Variants in POLE2 observed in about 807,000 individuals in gnomAD.
The protein encoded by POLE2 is DNA polymerase epsilon subunit 2.
In POLE2, 56 loss-of-function variants were observed where a neutral mutation model predicts 79.4. That is an observed-to-expected ratio of 0.71 (90% CI 0.57 to 0.88). The LOEUF is 0.88. Among genes scored for constraint, POLE2 ranks in the 40% least tolerant of loss-of-function variants. The pLI is 0.00. For missense variants in POLE2, 598 were observed against 638.9 expected, an observed-to-expected ratio of 0.94 and a Z score of 0.69; for synonymous variants, 212 against 214.0, an observed-to-expected ratio of 0.99 and a Z score of 0.08.
chr14:49,664,924 T>C (rs952870058), intron 8 of POLE2, among the ~76,000 whole-genome samples, 183 bp downstream of exon 8: 4 of 152,210 alleles, frequency 2.6e-5, no homozygotes, highest in South Asian at 4.1e-4. Flanking sequence ...ATCTAGATTC[T>C]CCAAATAAGA....
intron 10 of POLE2, among the ~76,000 whole-genome samples, chr14:49,657,112 C>CAAAA (rs35156256): frequency 1.2e-4 from 15 of 123,130 alleles, no homozygotes; most frequent in East Asian, 7.6e-4. Context: ...GATTTTGCCT[C>CAAAA]AAAAAAAAAA....
At chr14:49,667,505 G>C (rs1885571697) in intron 6 of POLE2, among the ~76,000 whole-genome samples, 1 of 149,668 alleles carries the variant, frequency 6.7e-6, no homozygotes, top group Non-Finnish European at 1.5e-5. Flanking sequence ...TAAAAACAAT[G>C]TTTAATATTT....
At chr14:49,673,693 T>C (rs889729843) in intron 5 of POLE2, among the ~76,000 whole-genome samples, 2 of 152,214 alleles carry the variant, frequency 1.3e-5, no homozygotes, top group Admixed American at 6.6e-5. Flanking sequence ...TAGGCAATGG[T>C]TGGGCTTTAG....
chr14:49,688,166 G>C lies in POLE2; in HGVS notation c.38C>G (p.Ala13Gly). 1 of 1,551,382 alleles carries C rather than the reference G, an allele frequency of 6.4e-7. No individual in the cohort carries two copies. The highest frequency in any genetic ancestry group is 8.7e-7 in the Non-Finnish European group (1 of 1,150,384). The change falls in exon 1 of 19, where the codon GCC becomes GGC. Residue 13 changes from alanine (A) to glycine (G), a missense_variant. By Grantham distance (60) the Ala-to-Gly change is moderately conservative (BLOSUM62 0). Transcript: ENST00000216367. Reference sequence around the variant, plus strand: ...GAGCAGCAAGCCCCGCAACTTGAAGGCGGAGAGCGCCCGGCTCCGCAGCCG... The same window carrying C: ...GAGCAGCAAGCCCCGCAACTTGAAGCCGGAGAGCGCCCGGCTCCGCAGCCG... ...PERLRSRALS[A>G]FKLRGLLLRG...
chr14:49,667,104 T>G (rs1355879267), intron 6 of POLE2, among the ~76,000 whole-genome samples: 1 of 151,784 alleles, frequency 6.6e-6, no homozygotes, highest in Non-Finnish European at 1.5e-5. Flanking sequence ...AGGAGAATGG[T>G]GTGAACCCGG....
At chr14:49,674,275 G>A in intron 4 of POLE2, 59 bp from the exon 5 acceptor site, 2 of 1,450,286 alleles carry the variant, frequency 1.4e-6, no homozygotes, top group Non-Finnish European at 1.9e-6. Flanking sequence ...AGCCAAAAGT[G>A]AAGCAAGAGA....
intron 8 of POLE2, 90 bp downstream of exon 8, chr14:49,665,017 C>A (rs569406767): frequency 2.8e-6 from 2 of 702,918 alleles, no homozygotes; most frequent in East Asian, 5.3e-5. Flanking sequence ...ACATTGAGAA[C>A]CCAAATAGGT....
At chr14:49,650,544 G>GA (rs1412524444) in intron 16 of POLE2, 103 bp from the exon 17 acceptor site, 1 of 674,800 alleles carries the variant, frequency 1.5e-6, no homozygotes, top group Non-Finnish European at 2.2e-6. Flanking sequence ...AAAGGAACCA[G>GA]AAAATTTGAG....
intron 10 of POLE2, among the ~76,000 whole-genome samples, chr14:49,662,646 C>T (rs1044518593): frequency 6.6e-6 from 1 of 152,224 alleles, no homozygotes; most frequent in Non-Finnish European, 1.5e-5. Flanking sequence ...CTCTGTATTG[C>T]CAGATCCTCC....
At chr14:49,662,688 T>G (rs1468433955) in intron 10 of POLE2, among the ~76,000 whole-genome samples, 1 of 152,256 alleles carries the variant, frequency 6.6e-6, no homozygotes, top group Non-Finnish European at 1.5e-5. Context: ...TAGGCCTTTA[T>G]GAGAAATCTT....
chr14:49,676,701 G>A (rs1277052975), intron 3 of POLE2, among the ~76,000 whole-genome samples: 1 of 152,232 alleles, frequency 6.6e-6, no homozygotes, highest in African/African-American at 2.4e-5. Context: ...CACCTCCTCT[G>A]AAACTACCCT....
intron 2 of POLE2, among the ~76,000 whole-genome samples, chr14:49,683,168 G>A (rs967436496): frequency 5.9e-5 from 9 of 152,150 alleles, no homozygotes; most frequent in African/African-American, 1.9e-4. Flanking sequence ...TTGGGAGGCC[G>A]AGGCAGGTGG....
chr14:49,686,442 T>TA (rs1887142507), intron 1 of POLE2, among the ~76,000 whole-genome samples: 1 of 152,148 alleles, frequency 6.6e-6, no homozygotes, highest in Non-Finnish European at 1.5e-5. Context: ...TGCCAACAAC[T>TA]GAATGAGCTT....
intron 18 of POLE2, among the ~76,000 whole-genome samples, chr14:49,645,414 A>G (rs559794318): frequency 6.6e-6 from 1 of 152,368 alleles, no homozygotes; most frequent in Admixed American, 6.5e-5. Context: ...CTAAGTGGCA[A>G]GAAGGCCAGA....
Position 49,683,803 on chromosome 14 carries a change from C to T in POLE2, c.69-110G>A, listed in dbSNP as rs45575037. The T allele has an allele frequency of 4.8e-3, 2,835 of 593,102 alleles. 37 individuals are homozygous for T. The highest frequency in any genetic ancestry group is 0.035 in the African/African-American group (1,881 of 53,820). 36.7% of individuals were successfully genotyped at this position (593,102 alleles called of 1,614,324 possible). ...AATCTGGCACTGAAAGGAAGAACCA[C>T]TAACTGCTCTCTTCAAGTAGCACTT... On this transcript the variant is annotated intron_variant, in intron 1 of 18. Coordinates refer to ENST00000216367, the MANE Select transcript of POLE2 (RefSeq NM_002692.4).
At chr14:49,681,998 CTTA>C (rs1446184387) in intron 2 of POLE2, 1 of 149,802 alleles carries the variant, frequency 6.7e-6, no homozygotes, top group African/African-American at 2.5e-5. Flanking sequence ...TTGAAATCCA[CTTA>C]TTCTTTTTTT....
At chr14:49,644,282 G>A (rs1424797177) in intron 18 of POLE2, among the ~76,000 whole-genome samples, 3 of 150,446 alleles carry the variant, frequency 2.0e-5, no homozygotes, top group African/African-American at 4.9e-5. Flanking sequence ...AGGCAGAGGC[G>A]GGTGGATCAC....
intron 5 of POLE2, among the ~76,000 whole-genome samples, chr14:49,672,637 T>C (rs2139667743): frequency 6.6e-6 from 1 of 152,126 alleles, no homozygotes; most frequent in East Asian, 1.9e-4. Context: ...GTAGCTGGGA[T>C]TACGAGCATG....
At chr14:49,660,192 C>T (rs1884999964) in intron 10 of POLE2, among the ~76,000 whole-genome samples, 1 of 152,118 alleles carries the variant, frequency 6.6e-6, no homozygotes. Context: ...AATACAGCAA[C>T]GTGTCACACA....
Sources: allele counts gnomAD v4.1 joint callset (sites outside exome capture counted in the v4.1 genomes callset), GRCh38; gene constraint gnomAD v4.1.1; transcripts MANE v1.5; gene names NCBI Gene and HGNC (gene_info 2026-07-23, HGNC 2026-07-21).